Variants in CCT3 observed in about 807,000 individuals in gnomAD.
CCT3 encodes T-complex protein 1 subunit gamma.
In CCT3, 10 loss-of-function variants were observed where a neutral mutation model predicts 65.3. The ratio of observed to expected loss-of-function variants is 0.15; its 90% CI spans 0.09 to 0.26. CCT3 has a LOEUF of 0.26. CCT3 is among the 10% of genes least tolerant of loss of function. CCT3 has a pLI of 1.00. For synonymous variants in CCT3, 225 were observed against 242.3 expected, an observed-to-expected ratio of 0.93 and a Z score of 0.66; for missense variants, 626 against 708.7, an observed-to-expected ratio of 0.88 and a Z score of 1.33.
chr1:156,324,458 G>A lies in CCT3; in HGVS notation c.422+514C>T, dbSNP rs115313873. Among the ~76,000 whole-genome samples, 1,444 of 152,172 alleles carry A rather than the reference G, an allele frequency of 9.5e-3. 22 individuals carry two copies. Among genetic ancestry groups the A allele is most frequent in the African/African-American group, 0.033 (1,385 of 41,498 alleles). On this transcript the variant is annotated intron_variant, in intron 6 of 13. Coordinates refer to ENST00000295688, the MANE Select transcript of CCT3 (RefSeq NM_005998.5). The stretch of plus-strand genomic sequence containing the variant: ...TTAACTAAAATTCCCTGAAGCTAGA[G>A]GTAATATATGCTTTTCTTTTTTTTC...
intron 5 of CCT3, among the ~76,000 whole-genome samples, chr1:156,325,769 G>A (rs183005225): frequency 1.6e-3 from 248 of 151,844 alleles, no homozygotes; most frequent in African/African-American, 5.7e-3. Flanking sequence ...TAGTAGAGAC[G>A]GGTTTTACTA....
chr1:156,319,046 C>A, intron 7 of CCT3, 29 bp from the exon 8 acceptor site: 1 of 1,560,496 alleles, frequency 6.4e-7, no homozygotes, highest in South Asian at 1.2e-5. Flanking sequence ...CACTTTAATC[C>A]ACAATCAAGA....
rs1250573783 is a variant in CCT3 at position 156,315,867 on chromosome 1, A to ATG, written c.974+1298_974+1299insCA. On this transcript the variant is annotated intron_variant, in intron 10 of 13. Coordinates refer to ENST00000295688, the MANE Select transcript of CCT3 (RefSeq NM_005998.5). ...GTACATATTTCAACTAGAGAATTAG[A>ATG]ACCTGCAAAAAAGAAAGATAAAAGA... 1.1e-4 allele frequency among the ~76,000 whole-genome samples: 16 copies of ATG among 152,338 alleles called. No individual in the cohort carries two copies. The South Asian group carries it at 3.1e-3, about 30-fold the overall frequency.
intron 10 of CCT3, among the ~76,000 whole-genome samples, chr1:156,314,192 G>C (rs1355614082): frequency 1.3e-5 from 2 of 151,746 alleles, no homozygotes; most frequent in Non-Finnish European, 1.5e-5. Flanking sequence ...AGTTGTTATA[G>C]ATAAAGCTTA....
chr1:156,321,090 T>C (rs1212357569), intron 6 of CCT3, 65 bp from the exon 7 acceptor site: 3 of 1,299,446 alleles, frequency 2.3e-6, no homozygotes, highest in East Asian at 2.3e-5. Flanking sequence ...ATGTGCCTTA[T>C]CTATACCTCA....
chr1:156,321,102 T>C lies in CCT3; in HGVS notation c.423-77A>G. 6.0e-6 allele frequency: 7 copies of C among 1,170,660 alleles called. No individual in the cohort carries two copies. The South Asian group carries it at 8.5e-5, about 14-fold the overall frequency. The allele number at this position is 1,170,660 out of a possible 1,614,324, so 72.5% of individuals were successfully genotyped here. ...GAGATGTGCCTTATCTATACCTCAG[T>C]GACTATAATAATGGACCAAGAGGCA... On this transcript the variant is annotated intron_variant, in intron 6 of 13. Transcript: ENST00000295688.
intron 13 of CCT3, among the ~76,000 whole-genome samples, chr1:156,310,037 C>T (rs1183973900): frequency 3.7e-4 from 28 of 76,492 alleles, no homozygotes; most frequent in South Asian, 5.3e-4. Flanking sequence ...TAGTCTGTTT[C>T]AAAAAAAAAA....
chr1:156,320,202 C>T (rs979503868), intron 7 of CCT3, among the ~76,000 whole-genome samples: 4 of 151,984 alleles, frequency 2.6e-5, no homozygotes, highest in African/African-American at 7.3e-5. Flanking sequence ...GTCAGGAGTT[C>T]GAGACCATCC....
At chr1:156,315,776 T>C (rs999768276) in intron 10 of CCT3, among the ~76,000 whole-genome samples, 4 of 152,126 alleles carry the variant, frequency 2.6e-5, no homozygotes, top group African/African-American at 9.7e-5. Context: ...CAGATATAGT[T>C]GAATTCAAAA....
At chr1:156,318,390 AT>A (rs1159118595) in intron 8 of CCT3, among the ~76,000 whole-genome samples, 6 of 151,678 alleles carry the variant, frequency 4.0e-5, no homozygotes, top group Admixed American at 2.6e-4. Context: ...CGCCCAATTA[AT>A]TTTTTTTAAA....
intron 6 of CCT3, among the ~76,000 whole-genome samples, chr1:156,321,892 T>A (rs1361602724): frequency 6.6e-6 from 1 of 152,172 alleles, no homozygotes; most frequent in Admixed American, 6.5e-5. Context: ...GAAAGGCACA[T>A]AATATACCAA....
chr1:156,324,770 C>T (rs771881169), intron 6 of CCT3, among the ~76,000 whole-genome samples: 7 of 151,052 alleles, frequency 4.6e-5, no homozygotes, highest in Admixed American at 6.7e-5. Context: ...TGGGACGACA[C>T]GCATGCGCCA....
At position 156,320,886 on chromosome 1, in the gene CCT3, TCTC is replaced by T. The variant is rs1241378761; in HGVS notation, c.559_561del (p.Glu187del). 6.2e-7 allele frequency: 1 copy of T among 1,613,450 alleles called. No homozygotes were observed. On this transcript the variant is annotated inframe_deletion, in exon 7 of 14. Coordinates refer to ENST00000295688, the MANE Select transcript of CCT3 (RefSeq NM_005998.5). ...TTTATGTCAATCTCTTTCCGACCAT[TCTC>T]CTCAAACTGTACCATCTTGACAGCA...
intron 6 of CCT3, among the ~76,000 whole-genome samples, chr1:156,323,488 G>T (rs928112222): frequency 6.6e-6 from 1 of 151,966 alleles, no homozygotes; most frequent in Non-Finnish European, 1.5e-5. Context: ...TTTTTGAGAT[G>T]GAGTCTCGCT....
chr1:156,316,922 G>A (rs2101638668), intron 10 of CCT3, among the ~76,000 whole-genome samples: 1 of 152,270 alleles, frequency 6.6e-6, no homozygotes. Flanking sequence ...ACCCACCAAG[G>A]TAGCAATTAC....
At chr1:156,319,120 T>G (rs1664437682) in intron 7 of CCT3, 103 bp from the exon 8 acceptor site, 1 of 1,125,012 alleles carries the variant, frequency 8.9e-7, no homozygotes. Flanking sequence ...TTCAGGTTTT[T>G]TTTTTTTTTT....
chr1:156,317,894 A>AG (rs1376871926), intron 8 of CCT3, among the ~76,000 whole-genome samples: 1 of 151,640 alleles, frequency 6.6e-6, no homozygotes, highest in Non-Finnish European at 1.5e-5. Context: ...TTGTATTTTT[A>AG]GTAGAGACGG....
At chr1:156,310,879 AAGAATCTTCCC>A (rs1664058079) in intron 12 of CCT3, 60 bp downstream of exon 12, 1 of 1,549,586 alleles carries the variant, frequency 6.5e-7, no homozygotes, top group African/African-American at 1.4e-5. Context: ...ATAGCCAGAT[AAGAATCTTCCC>A]CTCAGGGCAA....
At chr1:156,326,738 T>C (rs1199775321) in intron 5 of CCT3, among the ~76,000 whole-genome samples, 3 of 152,128 alleles carry the variant, frequency 2.0e-5, no homozygotes, top group Non-Finnish European at 4.4e-5. Flanking sequence ...AACATCTCCT[T>C]CTTTTAAAAT....
Sources: gnomAD v4.1 joint callset for allele counts (sites outside exome capture counted in the v4.1 genomes callset) on GRCh38, gnomAD v4.1.1 for gene constraint, MANE v1.5 for transcripts, NCBI Gene and HGNC (gene_info 2026-07-23, HGNC 2026-07-21) for gene names.